Variants in TMTC4 observed in about 807,000 individuals in gnomAD.
The protein encoded by TMTC4 is transmembrane O-mannosyltransferase targeting cadherins 4.
A neutral mutation model predicts 86.0 loss-of-function variants in TMTC4; 65 were observed. That is an observed-to-expected ratio of 0.76 (90% confidence interval 0.62 to 0.93). TMTC4 has a LOEUF of 0.93. Among genes scored for constraint, TMTC4 ranks in the 40% least tolerant of loss-of-function variants. The probability of loss-of-function intolerance (pLI) is 0.00; values close to 1 mark genes in which losing one functional copy is unlikely to be tolerated. For missense variants in TMTC4, 866 were observed against 948.1 expected (o/e 0.91, Z 1.14); for synonymous variants, 379 against 382.5 (o/e 0.99, Z 0.11).
Position 100,668,790 on chromosome 13 carries a change from G to A in TMTC4, c.8C>T (p.Pro3Leu), listed in dbSNP as rs1419798452. The A allele has an allele frequency of 1.2e-6, 2 of 1,614,008 alleles. No individual in the cohort carries two copies. The highest frequency in any genetic ancestry group is 1.7e-6 in the Non-Finnish European group (2 of 1,179,934). The change falls in exon 3 of 19, where the codon CCT (proline) becomes CTT (leucine). Residue 3 changes from proline (P) to leucine (L), a missense_variant. Physicochemically the swap from Pro to Leu is moderately conservative, Grantham distance 98. Coordinates refer to ENST00000342624, the MANE Select transcript of TMTC4 (RefSeq NM_032813.5). MI[P>L]NQHNAGAGSH... The stretch of plus-strand genomic sequence containing the variant: ...CCCGGCTCCAGCATTATGCTGGTTA[G>A]GAATCTGCAGGAAAAACAACACTGT...
At chr13:100,625,965 G>A (rs774795454) in intron 13 of TMTC4, 73 bp from the exon 14 acceptor site, 11 of 1,593,500 alleles carry the variant, frequency 6.9e-6, no homozygotes, top group African/African-American at 2.7e-5. Flanking sequence ...CTCAGGAATC[G>A]GTAAAGATAT....
intron 15 of TMTC4, among the ~76,000 whole-genome samples, chr13:100,620,731 T>C (rs1214326429): frequency 6.6e-6 from 1 of 152,214 alleles, no homozygotes; most frequent in Non-Finnish European, 1.5e-5. Context: ...TCTTCCTGAC[T>C]TCCTATTCCA....
chr13:100,674,478 G>T, intron 1 of TMTC4: 1 of 920,332 alleles, frequency 1.1e-6, no homozygotes, highest in Non-Finnish European at 1.3e-6. Flanking sequence ...AAGCTCAGGG[G>T]CCCGAGCGCG....
intron 6 of TMTC4, among the ~76,000 whole-genome samples, chr13:100,648,182 G>A (rs1469844997): frequency 6.6e-6 from 1 of 152,152 alleles, no homozygotes; most frequent in Admixed American, 6.5e-5. Flanking sequence ...TCAATGGTCA[G>A]AGATAAACCT....
chr13:100,650,621 G>A (rs1884316973), intron 6 of TMTC4, among the ~76,000 whole-genome samples: 1 of 152,232 alleles, frequency 6.6e-6, no homozygotes, highest in South Asian at 2.1e-4. Context: ...CGTTCCAAAA[G>A]CTGGAACGAC....
chr13:100,605,947 C>A lies in TMTC4; in HGVS notation c.2134+411G>T, dbSNP rs930649799. On this transcript the variant is annotated intron_variant, in intron 18 of 18. Transcript: ENST00000342624. This position sits in a 1 kb window ranked among gnomAD's most constrained non-coding sequence, Gnocchi z 4.3. ...GCATAAGAGGATATAAAGCAGAAGA[C>A]CAGGCTGGAAGGGGAAGGTCTACTC... Among the ~76,000 whole-genome samples the A allele has an allele frequency of 5.3e-5, 8 of 152,000 alleles. 1 individual carries two copies. Among genetic ancestry groups the A allele is most frequent in the Admixed American group, 5.2e-4 (8 of 15,256 alleles).
intron 1 of TMTC4, chr13:100,674,148 G>A: frequency 7.1e-6 from 7 of 982,990 alleles, no homozygotes; most frequent in Non-Finnish European, 8.4e-6. Flanking sequence ...CCCACGCCGG[G>A]AAGCGGCGGC....
chr13:100,615,628 CTT>C (rs1878360571), intron 15 of TMTC4, among the ~76,000 whole-genome samples: 1 of 151,986 alleles, frequency 6.6e-6, no homozygotes, highest in South Asian at 2.1e-4. Flanking sequence ...GATTTTTGTA[CTT>C]TCAGTAGAGA....
intron 15 of TMTC4, among the ~76,000 whole-genome samples, chr13:100,620,115 G>T (rs1879249986): frequency 6.6e-6 from 1 of 152,192 alleles, no homozygotes; most frequent in Non-Finnish European, 1.5e-5. Context: ...TGCTCATCCA[G>T]GAAGTAGATG....
intron 7 of TMTC4, chr13:100,638,715 C>G (rs1332892991): frequency 6.6e-6 from 1 of 152,256 alleles, no homozygotes; most frequent in Non-Finnish European, 1.5e-5. Context: ...CTTGGGCACA[C>G]ATTCCCACTT....
chr13:100,665,790 G>C (rs1263327865), intron 3 of TMTC4, among the ~76,000 whole-genome samples: 1 of 152,262 alleles, frequency 6.6e-6, no homozygotes, highest in Non-Finnish European at 1.5e-5. Context: ...GAAAAGAGGT[G>C]ACAGATGCAA....
intron 10 of TMTC4, among the ~76,000 whole-genome samples, chr13:100,636,072 A>G (rs1445912990): frequency 6.6e-6 from 1 of 152,290 alleles, no homozygotes; most frequent in South Asian, 2.1e-4. Flanking sequence ...TATTTTCTCA[A>G]TAACTTTTTT....
intron 1 of TMTC4, chr13:100,674,289 G>T (rs1055215660): frequency 1.0e-6 from 1 of 979,120 alleles, no homozygotes; most frequent in African/African-American, 1.8e-5. Flanking sequence ...GCGGCCAAGC[G>T]GCCCGGCTGT....
intron 3 of TMTC4, among the ~76,000 whole-genome samples, chr13:100,667,717 T>C (rs956847142): frequency 1.3e-5 from 2 of 152,136 alleles, no homozygotes; most frequent in African/African-American, 4.8e-5. Context: ...TAAATGTGTA[T>C]ATTCCTCTAA....
At chr13:100,631,999 T>C (rs1418722870) in intron 12 of TMTC4, among the ~76,000 whole-genome samples, 1 of 134,466 alleles carries the variant, frequency 7.4e-6, no homozygotes, top group African/African-American at 2.8e-5. Context: ...TATGTATTCC[T>C]TAAATTAAGA....
At chr13:100,613,343 C>T (rs1452994993) in intron 16 of TMTC4, among the ~76,000 whole-genome samples, 1 of 152,164 alleles carries the variant, frequency 6.6e-6, no homozygotes, top group Admixed American at 6.6e-5. Context: ...CCTTTCTGTG[C>T]CTAACACCAT....
chr13:100,606,491 T>G (rs1876619616), intron 17 of TMTC4, 64 bp from the exon 18 acceptor site: 3 of 1,353,022 alleles, frequency 2.2e-6, no homozygotes, highest in Admixed American at 4.0e-5. Context: ...CAGTTCCCAG[T>G]TTTATCACCT....
Position 100,670,474 on chromosome 13 carries a change from G to T in TMTC4, c.-112C>A. On this transcript the variant is annotated 5_prime_UTR_variant, in exon 2 of 19. Coordinates refer to ENST00000342624, the MANE Select transcript of TMTC4 (RefSeq NM_032813.5). ...GCTTGTCTCTCGAGCCTCACAGCCT[G>T]GCATACGGCATGCTCTCAGCAAGTG... 1.8e-6 allele frequency: 2 copies of T among 1,127,514 alleles called. No individual in the cohort carries two copies. The highest frequency in any genetic ancestry group is 1.6e-5 in the South Asian group (1 of 64,450). 69.8% of individuals were successfully genotyped at this position (1,127,514 alleles called of 1,614,324 possible). A position where few individuals can be genotyped will look rare whatever the true frequency, so the allele number is the denominator to read the frequency against.
intron 16 of TMTC4, 118 bp from the exon 17 acceptor site, chr13:100,612,628 T>A: frequency 1.5e-6 from 1 of 652,932 alleles, no homozygotes; most frequent in Non-Finnish European, 2.6e-6. Flanking sequence ...ATAAACTACT[T>A]AAGAAAATCT....
Sources: gnomAD v4.1 joint callset for allele counts (sites outside exome capture counted in the v4.1 genomes callset) on GRCh38, gnomAD v4.1.1 for gene constraint, Gnocchi (gnomAD v3.1) non-coding constraint, MANE v1.5 for transcripts, NCBI Gene and HGNC (gene_info 2026-07-23, HGNC 2026-07-21) for gene names.